KCND3: variants seen among roughly 807,000 people sequenced by gnomAD.
The protein encoded by KCND3 is A-type voltage-gated potassium channel KCND3.
KCND3 carries 9 observed loss-of-function variants against 51.1 expected under a neutral mutation model. That is an observed-to-expected ratio of 0.18 (90% confidence interval 0.11 to 0.31). The LOEUF is 0.31. Among genes scored for constraint, KCND3 ranks in the 10% least tolerant of loss-of-function variants. The probability of loss-of-function intolerance (pLI) is 1.00; values close to 1 mark genes in which losing one functional copy is unlikely to be tolerated. For synonymous variants in KCND3, 349 were observed against 368.0 expected (o/e 0.95, Z 0.59); for missense variants, 526 against 903.8 (o/e 0.58, Z 5.36).
intron 2 of KCND3, among the ~76,000 whole-genome samples, chr1:111,948,490 C>T (rs995865350): frequency 2.6e-5 from 4 of 152,220 alleles, no homozygotes; most frequent in African/African-American, 4.8e-5. Flanking sequence ...CCCTTCCCCA[C>T]AGCATAGGGC....
chr1:111,795,944 T>G (rs1313849063), intron 2 of KCND3, among the ~76,000 whole-genome samples: 1 of 152,244 alleles, frequency 6.6e-6, no homozygotes, highest in East Asian at 1.9e-4. Context: ...TCAATGATGT[T>G]GAACTTTTTT....
intron 2 of KCND3, among the ~76,000 whole-genome samples, chr1:111,838,386 T>TA (rs907811405): frequency 5.9e-5 from 9 of 152,078 alleles, no homozygotes; most frequent in African/African-American, 1.4e-4. Context: ...CTGTTACTTA[T>TA]AAAAAACACA....
intron 2 of KCND3, among the ~76,000 whole-genome samples, chr1:111,924,306 G>C (rs1202236306): frequency 1.3e-5 from 2 of 152,228 alleles, no homozygotes; most frequent in Non-Finnish European, 2.9e-5. Context: ...CTGTAATACA[G>C]CTATAAAGTG....
chr1:111,936,347 G>C (rs1040101855), intron 2 of KCND3, among the ~76,000 whole-genome samples: 3 of 152,148 alleles, frequency 2.0e-5, no homozygotes, highest in African/African-American at 7.2e-5. Flanking sequence ...GCAGACCCTA[G>C]AACAGATTAA....
chr1:111,947,639 G>A (rs1006000886), intron 2 of KCND3, among the ~76,000 whole-genome samples: 1 of 152,180 alleles, frequency 6.6e-6, no homozygotes, highest in Non-Finnish European at 1.5e-5. Flanking sequence ...CAGGTGAATG[G>A]TCAATCAAAA....
At chr1:111,858,159 C>A (rs1571751117) in intron 2 of KCND3, among the ~76,000 whole-genome samples, 1 of 152,316 alleles carries the variant, frequency 6.6e-6, no homozygotes, top group Non-Finnish European at 1.5e-5. Flanking sequence ...CTCACCCGTG[C>A]CCACCAAAGG....
intron 2 of KCND3, among the ~76,000 whole-genome samples, chr1:111,885,729 G>A (rs946785475): frequency 8.6e-5 from 13 of 151,898 alleles, no homozygotes; most frequent in African/African-American, 1.9e-4. Context: ...CTGGAGTAGA[G>A]TGGCGTGATT....
chr1:111,913,503 A>C (rs1158252094), intron 2 of KCND3, among the ~76,000 whole-genome samples: 1 of 152,254 alleles, frequency 6.6e-6, no homozygotes, highest in Non-Finnish European at 1.5e-5. Flanking sequence ...TAAAATAATC[A>C]AACTGATTCC....
At chr1:111,924,210 G>A (rs896027617) in intron 2 of KCND3, among the ~76,000 whole-genome samples, 8 of 152,350 alleles carry the variant, frequency 5.3e-5, no homozygotes, top group South Asian at 2.1e-4. Flanking sequence ...TGAACAACAT[G>A]AGCAGCCTCT....
intron 2 of KCND3, among the ~76,000 whole-genome samples, chr1:111,844,934 C>T (rs1438251198): frequency 6.6e-6 from 1 of 152,184 alleles, no homozygotes; most frequent in Non-Finnish European, 1.5e-5. Context: ...CTCCCAAGCT[C>T]AACGCTTGTG....
intron 2 of KCND3, among the ~76,000 whole-genome samples, chr1:111,790,685 A>G (rs930616492): frequency 2.0e-5 from 3 of 152,240 alleles, no homozygotes; most frequent in East Asian, 1.9e-4. Flanking sequence ...AGAGCACTTC[A>G]TAACCCCTAA....
chr1:111,853,323 A>C (rs1019312817), intron 2 of KCND3, among the ~76,000 whole-genome samples: 6 of 152,204 alleles, frequency 3.9e-5, no homozygotes, highest in African/African-American at 1.4e-4. Flanking sequence ...TTCTGGTGTG[A>C]GGATTAAATG....
At chr1:111,880,967 T>A (rs1465104566) in intron 2 of KCND3, among the ~76,000 whole-genome samples, 2 of 152,038 alleles carry the variant, frequency 1.3e-5, no homozygotes, top group African/African-American at 4.8e-5. Flanking sequence ...GGCTCCCACA[T>A]CCTCTGTCAC....
intron 2 of KCND3, among the ~76,000 whole-genome samples, chr1:111,880,303 C>T (rs1336269561): frequency 6.6e-6 from 1 of 152,180 alleles, no homozygotes; most frequent in African/African-American, 2.4e-5. Flanking sequence ...TAGAAATTAT[C>T]TTACAAAGCC....
intron 2 of KCND3, among the ~76,000 whole-genome samples, chr1:111,979,182 C>T (rs1188240460): frequency 1.3e-5 from 2 of 152,202 alleles, no homozygotes; most frequent in Non-Finnish European, 2.9e-5. Flanking sequence ...CTCCCTAGTG[C>T]AGGCACCTTT....
chr1:111,909,247 G>C (rs1397082824), intron 2 of KCND3: 1 of 152,246 alleles, frequency 6.6e-6, no homozygotes. Flanking sequence ...GGAGGTGGCA[G>C]TGGAAACAAA....
At chr1:111,965,428 G>A (rs1673912597) in intron 2 of KCND3, among the ~76,000 whole-genome samples, 1 of 49,418 alleles carries the variant, frequency 2.0e-5, no homozygotes, top group African/African-American at 6.5e-5. Context: ...ACCCCTTATG[G>A]CCAGCAAAAC....
At chr1:111,778,400 G>C in intron 6 of KCND3, 36 bp downstream of exon 6, 1 of 1,583,552 alleles carries the variant, frequency 6.3e-7, no homozygotes, top group South Asian at 1.1e-5. Context: ...AATTATCAGA[G>C]AGAAAAACAT....
chr1:111,830,363 C>A (rs182941943), intron 2 of KCND3, among the ~76,000 whole-genome samples: 1 of 152,194 alleles, frequency 6.6e-6, no homozygotes, highest in South Asian at 2.1e-4. Context: ...AGACCTTGCA[C>A]TCATTCATGA....
Sources: allele counts gnomAD v4.1 joint callset (sites outside exome capture counted in the v4.1 genomes callset), GRCh38; gene constraint gnomAD v4.1.1; transcripts MANE v1.5; gene names NCBI Gene and HGNC (gene_info 2026-07-23, HGNC 2026-07-21).